The following ZNF407 variants were observed in gnomAD, a reference collection of about 807,000 sequenced individuals.
ZNF407 encodes zinc finger protein 407.
Under a neutral mutation model 131.2 loss-of-function variants are expected in ZNF407, and 17 were observed. The ratio of observed to expected loss-of-function variants is 0.13; its 90% confidence interval spans 0.09 to 0.19. The LOEUF (loss-of-function observed/expected upper bound fraction) is 0.19, where lower values mean the gene tolerates loss of function less well. Ranked by LOEUF, ZNF407 falls within the 10% of genes least tolerant of loss-of-function variation. The probability of loss-of-function intolerance (pLI) is 1.00; values close to 1 mark genes in which losing one functional copy is unlikely to be tolerated. For missense variants in ZNF407, 2,681 were observed against 2,830.6 expected, an observed-to-expected ratio of 0.95 and a Z score of 1.20; for synonymous variants, 1,156 against 1,062.0, an observed-to-expected ratio of 1.09 and a Z score of -1.72.
intron 8 of ZNF407, among the ~76,000 whole-genome samples, chr18:74,983,335 T>C (rs1972615190): frequency 6.6e-6 from 1 of 152,204 alleles, no homozygotes; most frequent in Admixed American, 6.5e-5. Context: ...AGGTGTTATC[T>C]TAGGCTGTGT....
intron 8 of ZNF407, among the ~76,000 whole-genome samples, chr18:75,056,121 A>G (rs766141591): frequency 1.3e-5 from 2 of 152,346 alleles, no homozygotes; most frequent in Admixed American, 6.5e-5. Context: ...TTATTATGCT[A>G]TGATATGTCT....
chr18:74,652,182 T>G (rs1985258518), intron 3 of ZNF407, among the ~76,000 whole-genome samples: 1 of 152,098 alleles, frequency 6.6e-6, no homozygotes, highest in African/African-American at 2.4e-5. Flanking sequence ...GGAAATCACT[T>G]AAAATTACAG....
chr18:74,873,975 G>C (rs1971121633), intron 4 of ZNF407, among the ~76,000 whole-genome samples: 1 of 152,120 alleles, frequency 6.6e-6, no homozygotes, highest in Non-Finnish European at 1.5e-5. Context: ...GTTTCCTTTT[G>C]AAACCTTTAA....
intron 1 of ZNF407, among the ~76,000 whole-genome samples, chr18:74,623,354 G>A (rs1189908713): frequency 1.3e-5 from 2 of 152,116 alleles, no homozygotes; most frequent in East Asian, 1.9e-4. Flanking sequence ...GTGTGAGTGC[G>A]CGTGTGCGTC....
At chr18:74,946,388 A>G in intron 8 of ZNF407, among the ~76,000 whole-genome samples, 1 of 152,184 alleles carries the variant, frequency 6.6e-6, no homozygotes, top group East Asian at 1.9e-4. Flanking sequence ...CATTTTTCGC[A>G]GCACTCTCTT....
At chr18:75,036,914 A>G (rs957063058) in intron 8 of ZNF407, among the ~76,000 whole-genome samples, 2 of 152,230 alleles carry the variant, frequency 1.3e-5, no homozygotes, top group African/African-American at 2.4e-5. Flanking sequence ...GCCTTTGGCC[A>G]TCTAATTGCT....
intron 4 of ZNF407, among the ~76,000 whole-genome samples, chr18:74,786,793 G>GTT (rs869103622): frequency 3.4e-5 from 3 of 89,360 alleles, no homozygotes; most frequent in African/African-American, 1.3e-4. Flanking sequence ...AAAAAAGTAT[G>GTT]TTTTTTTTTT....
chr18:74,897,700 A>G (rs563792187), intron 7 of ZNF407, among the ~76,000 whole-genome samples: 1 of 152,324 alleles, frequency 6.6e-6, no homozygotes, highest in Admixed American at 6.5e-5. Context: ...ATTATCAAAC[A>G]ACAAAACACT....
intron 4 of ZNF407, among the ~76,000 whole-genome samples, chr18:74,795,613 G>A (rs1255716366): frequency 6.6e-6 from 1 of 152,206 alleles, no homozygotes; most frequent in Non-Finnish European, 1.5e-5. Context: ...ACACTTGTAT[G>A]TGGGAAAAAT....
intron 8 of ZNF407, among the ~76,000 whole-genome samples, chr18:74,951,000 T>A (rs989502177): frequency 6.9e-6 from 1 of 144,244 alleles, no homozygotes; most frequent in African/African-American, 2.8e-5. Flanking sequence ...CAGATGCAAC[T>A]TTTTTTTTCC....
At chr18:74,840,330 T>C (rs1970615068) in intron 4 of ZNF407, among the ~76,000 whole-genome samples, 1 of 152,068 alleles carries the variant, frequency 6.6e-6, no homozygotes, top group South Asian at 2.1e-4. Context: ...GTCAGTGGTC[T>C]CTGTGGGCCA....
chr18:74,679,084 C>A (rs1257013807), intron 3 of ZNF407, among the ~76,000 whole-genome samples: 1 of 152,020 alleles, frequency 6.6e-6, no homozygotes, highest in African/African-American at 2.4e-5. Flanking sequence ...GTTAAAAAAA[C>A]CATACCCTCT....
At chr18:74,884,745 C>T (rs1271975514) in intron 6 of ZNF407, among the ~76,000 whole-genome samples, 1 of 152,060 alleles carries the variant, frequency 6.6e-6, no homozygotes, top group Middle Eastern at 3.2e-3. Context: ...TAAAGATTTT[C>T]ATGTAAGTTT....
intron 4 of ZNF407, among the ~76,000 whole-genome samples, chr18:74,851,520 C>T (rs763183018): frequency 6.6e-6 from 1 of 152,112 alleles, no homozygotes; most frequent in African/African-American, 2.4e-5. Context: ...CTGAATGTGA[C>T]CCAGGCACAA....
At chr18:74,787,891 G>T (rs748149801) in intron 4 of ZNF407, among the ~76,000 whole-genome samples, 4 of 152,200 alleles carry the variant, frequency 2.6e-5, no homozygotes, top group Non-Finnish European at 5.9e-5. Context: ...TATTGTGAAG[G>T]TAGTATTTAG....
At chr18:74,654,673 A>ATAT (rs1447400986) in intron 3 of ZNF407, among the ~76,000 whole-genome samples, 5 of 151,890 alleles carry the variant, frequency 3.3e-5, no homozygotes, top group African/African-American at 2.4e-5. Flanking sequence ...ACTACATAAT[A>ATAT]TATCTTTACA....
intron 3 of ZNF407, among the ~76,000 whole-genome samples, chr18:74,731,066 TTAC>T (rs1158557526): frequency 6.6e-6 from 1 of 152,240 alleles, no homozygotes; most frequent in East Asian, 1.9e-4. Flanking sequence ...TTCTGTTATT[TTAC>T]TACCTCTTTA....
At chr18:74,952,368 T>C (rs57204993) in intron 8 of ZNF407, among the ~76,000 whole-genome samples, 1,650 of 152,296 alleles carry the variant, frequency 0.011, 33 homozygotes, top group African/African-American at 0.037. Context: ...GTCATGCTCA[T>C]GGAGAAGCAC....
At chr18:74,672,529 T>TCTC (rs1341199586) in intron 3 of ZNF407, among the ~76,000 whole-genome samples, 7 of 144,940 alleles carry the variant, frequency 4.8e-5, no homozygotes, top group Admixed American at 1.4e-4. Flanking sequence ...GGAGCACCGT[T>TCTC]TGTTCATTGG....
Sources: gnomAD v4.1 joint callset for allele counts (sites outside exome capture counted in the v4.1 genomes callset) on GRCh38, gnomAD v4.1.1 for gene constraint, MANE v1.5 for transcripts, NCBI Gene and HGNC (gene_info 2026-07-23, HGNC 2026-07-21) for gene names.